Variants in LTN1 observed in about 807,000 individuals in gnomAD.
The protein encoded by LTN1 is listerin E3 ubiquitin protein ligase 1.
Under a neutral mutation model 201.2 loss-of-function variants are expected in LTN1, and 88 were observed. That is an observed-to-expected ratio of 0.44 (90% CI 0.37 to 0.52). The LOEUF (loss-of-function observed/expected upper bound fraction) is 0.52. LTN1 is among the 20% of genes least tolerant of loss of function. The pLI is 0.00. For synonymous variants in LTN1, 645 were observed against 713.5 expected, an observed-to-expected ratio of 0.90 and a Z score of 1.53; for missense variants, 1,752 against 2,038.7, an observed-to-expected ratio of 0.86 and a Z score of 2.71.
chr21:28,974,136 A>T (rs185935256), intron 6 of LTN1, among the ~76,000 whole-genome samples: 1 of 152,282 alleles, frequency 6.6e-6, no homozygotes, highest in East Asian at 1.9e-4. Flanking sequence ...TAAAAATAAA[A>T]AATAAGACAT....
chr21:28,992,837 A>C lies in LTN1; in HGVS notation c.-32T>G. 1 of 1,614,164 alleles carries C rather than the reference A, an allele frequency of 6.2e-7. No homozygotes were observed. Among genetic ancestry groups the C allele is most frequent in the Non-Finnish European group, 8.5e-7 (1 of 1,180,018 alleles). ...GGTTGCAGCTGTACTCTGAGCACTC[A>C]GACCCCGGTTGACACGTCCGGGACA... On this transcript the variant is annotated 5_prime_UTR_variant, in exon 1 of 30. Coordinates refer to ENST00000361371, the MANE Select transcript of LTN1 (RefSeq NM_015565.3).
At chr21:28,964,500 C>T in intron 11 of LTN1, 6 of 1,346,642 alleles carry the variant, frequency 4.5e-6, no homozygotes, top group Non-Finnish European at 4.9e-6. Flanking sequence ...GTAGTGTACA[C>T]ATAACTTTTA....
chr21:28,933,093 T>A (rs1234905677), intron 27 of LTN1, among the ~76,000 whole-genome samples: 1 of 152,206 alleles, frequency 6.6e-6, no homozygotes, highest in Admixed American at 6.5e-5. Flanking sequence ...ACATTTATAG[T>A]TATTTGTTTG....
intron 25 of LTN1, among the ~76,000 whole-genome samples, chr21:28,937,772 T>C (rs1307510431): frequency 6.6e-6 from 1 of 152,136 alleles, no homozygotes; most frequent in Non-Finnish European, 1.5e-5. Flanking sequence ...GGATCTGGGA[T>C]GCTCAACCAG....
rs2084323645 is a variant in LTN1 at position 28,944,645 on chromosome 21, A to T, written c.3769-49T>A. ...TAGGTAAACAGACTTCTACCAGAACACTACAAATAAAGCCAATATAAAGAA... is the reference window on the plus strand; with the variant it reads ...TAGGTAAACAGACTTCTACCAGAACTCTACAAATAAAGCCAATATAAAGAA... On this transcript the variant is annotated intron_variant, in intron 21 of 29. Transcript: ENST00000361371. 5 of 1,307,758 alleles carry T rather than the reference A, an allele frequency of 3.8e-6. No individual in the cohort carries two copies. The South Asian group carries it at 5.2e-5, about 14-fold the overall frequency. The allele number at this position is 1,307,758 out of a possible 1,614,324, so 81.0% of individuals were successfully genotyped here.
chr21:28,943,219 A>G, intron 24 of LTN1, 43 bp downstream of exon 24: 1 of 1,205,066 alleles, frequency 8.3e-7, no homozygotes, highest in South Asian at 1.3e-5. Context: ...AGTGAGATGG[A>G]TTATAAGAAT....
chr21:28,930,551 A>C lies in LTN1; in HGVS notation c.5239-41T>G, dbSNP rs2084202737. ...TTTTAAATACTAAAAGAACTTTTAA[A>C]GTTCTCCTCTAACATACATCATAAA... On this transcript the variant is annotated intron_variant, in intron 29 of 29. Transcript: ENST00000361371. 9 of 1,330,790 alleles carry C rather than the reference A, an allele frequency of 6.8e-6. No individual in the cohort carries two copies. The Admixed American group carries it at 1.1e-4, about 16-fold the overall frequency. 82.4% of individuals were successfully genotyped at this position (1,330,790 alleles called of 1,614,324 possible).
At chr21:28,960,433 C>T in intron 12 of LTN1, 84 bp downstream of exon 12, 1 of 1,046,968 alleles carries the variant, frequency 9.6e-7, no homozygotes, top group Admixed American at 2.5e-5. Context: ...TAACCAATAA[C>T]ACATAAGCTG....
intron 16 of LTN1, among the ~76,000 whole-genome samples, chr21:28,955,335 A>C (rs1432741289): frequency 6.6e-6 from 1 of 152,176 alleles, no homozygotes; most frequent in Non-Finnish European, 1.5e-5. Flanking sequence ...AAATGCTGGC[A>C]AGAATGCAGA....
intron 11 of LTN1, among the ~76,000 whole-genome samples, chr21:28,962,013 C>CA (rs140640474): frequency 0.12 from 17,435 of 145,676 alleles, 1,299 homozygotes; most frequent in East Asian, 0.41. Context: ...GCCTCTGTCT[C>CA]AAAAAAAAAA....
At chr21:28,968,130 A>G (rs2084542008) in intron 9 of LTN1, among the ~76,000 whole-genome samples, 3 of 152,204 alleles carry the variant, frequency 2.0e-5, no homozygotes, top group Non-Finnish European at 2.9e-5. Context: ...TAGAACTCTG[A>G]AAAAGTTAAC....
intron 6 of LTN1, among the ~76,000 whole-genome samples, chr21:28,972,120 C>G (rs980595210): frequency 2.0e-5 from 3 of 152,052 alleles, no homozygotes; most frequent in Non-Finnish European, 4.4e-5. Flanking sequence ...TCAGAGGGCC[C>G]TTACAAAAGG....
At position 28,943,933 on chromosome 21, in the gene LTN1, C is replaced by T. The variant is rs182078480; in HGVS notation, c.3983-29G>A. On this transcript the variant is annotated intron_variant, in intron 22 of 29. Transcript: ENST00000361371. ...ATGACAAAAAGGAAAGAAACATGCA[C>T]GTCTCAAAAGAAAGTTAGTATAGCT... 4.2e-4 allele frequency: 579 copies of T among 1,393,886 alleles called. 7 individuals are homozygous for T. In the African/African-American group the frequency reaches 6.6e-3, roughly 16 times the overall value. 86.3% of individuals were successfully genotyped at this position (1,393,886 alleles called of 1,614,324 possible).
intron 4 of LTN1, among the ~76,000 whole-genome samples, chr21:28,984,353 A>G (rs1336436247): frequency 6.6e-6 from 1 of 151,920 alleles, no homozygotes; most frequent in Non-Finnish European, 1.5e-5. Context: ...ATATATATAT[A>G]TTGATATGGA....
At chr21:28,989,530 A>G (rs1161207244) in intron 1 of LTN1, among the ~76,000 whole-genome samples, 1 of 151,532 alleles carries the variant, frequency 6.6e-6, no homozygotes, top group African/African-American at 2.4e-5. Context: ...TTCTAGAGTT[A>G]TTTGTGGTGG....
chr21:28,931,565 T>G (rs778843987), intron 28 of LTN1, among the ~76,000 whole-genome samples: 2 of 152,226 alleles, frequency 1.3e-5, no homozygotes, highest in Non-Finnish European at 2.9e-5. Context: ...ACTTAAAGTG[T>G]TATAGTCTAA....
Position 28,986,948 on chromosome 21 carries a change from T to C in LTN1, c.43-14A>G, listed in dbSNP as rs1222368940. 2.5e-6 allele frequency: 4 copies of C among 1,602,934 alleles called. No homozygotes were observed. Among genetic ancestry groups the C allele is most frequent in the Non-Finnish European group, 2.6e-6 (3 of 1,170,128 alleles). ...ACTGTTTGAAGGCTGATAAGAAAAT[T>C]ACGGAGAAAAAAGTCAGAGTCCAGG... On this transcript the variant is annotated splice_polypyrimidine_tract_variant and intron_variant, in intron 1 of 29. Transcript: ENST00000361371. The surrounding 1 kb of genome is among the most constrained non-coding windows in gnomAD (Gnocchi z 4.1).
intron 7 of LTN1, 33 bp downstream of exon 7, chr21:28,971,238 C>T: frequency 6.6e-7 from 1 of 1,519,646 alleles, no homozygotes; most frequent in Non-Finnish European, 8.9e-7. Context: ...TAGGTTCATT[C>T]CTCAGTGTAC....
At chr21:28,983,484 G>A (rs2084674196) in intron 4 of LTN1, among the ~76,000 whole-genome samples, 1 of 152,140 alleles carries the variant, frequency 6.6e-6, no homozygotes, top group Admixed American at 6.5e-5. Context: ...CCTCTCTCTA[G>A]AAAAACACGC....
Sources: allele counts gnomAD v4.1 joint callset (sites outside exome capture counted in the v4.1 genomes callset), GRCh38; gene constraint gnomAD v4.1.1; non-coding constraint Gnocchi (gnomAD v3.1); transcripts MANE v1.5; gene names NCBI Gene and HGNC (gene_info 2026-07-23, HGNC 2026-07-21).